SMYD2: variants seen among roughly 807,000 people sequenced by gnomAD.
SMYD2 encodes SET and MYND domain containing 2.
Under a neutral mutation model 59.1 loss-of-function variants are expected in SMYD2, and 53 were observed. The ratio of observed to expected loss-of-function variants is 0.90; its 90% CI spans 0.72 to 1.13. The LOEUF is 1.13. Ranked by LOEUF, SMYD2 falls within the 50% of genes most tolerant of loss-of-function variation. SMYD2 has a pLI of 0.00. For missense variants in SMYD2, 494 were observed against 544.7 expected (o/e 0.91, Z 0.93); for synonymous variants, 208 against 198.8 (o/e 1.05, Z -0.39).
At chr1:214,305,574 CTTTAAGTTTTTAACGTT>C (rs796286698) in intron 2 of SMYD2, among the ~76,000 whole-genome samples, 14 of 152,336 alleles carry the variant, frequency 9.2e-5, no homozygotes, top group African/African-American at 3.1e-4. Flanking sequence ...AAAATGCTAT[CTTTAAGTTTTTAACGTT>C]TTTATTGTTG....
At chr1:214,297,448 T>C (rs765041283) in intron 1 of SMYD2, among the ~76,000 whole-genome samples, 9 of 152,212 alleles carry the variant, frequency 5.9e-5, no homozygotes, top group Non-Finnish European at 1.2e-4. Context: ...CGGAGTTTGT[T>C]CCAAATGCTT....
At chr1:214,320,279 T>C (rs1558055528) in intron 5 of SMYD2, among the ~76,000 whole-genome samples, 1 of 152,164 alleles carries the variant, frequency 6.6e-6, no homozygotes, top group Non-Finnish European at 1.5e-5. Context: ...AAAAAGGGTA[T>C]AATACGAAAA....
At chr1:214,303,931 A>T (rs1425191678) in intron 1 of SMYD2, among the ~76,000 whole-genome samples, 3 of 152,264 alleles carry the variant, frequency 2.0e-5, no homozygotes, top group Non-Finnish European at 4.4e-5. Context: ...GGGGTGGGCA[A>T]GAGTTCGACA....
chr1:214,292,087 G>GGAGAGA (rs1553254067), intron 1 of SMYD2, among the ~76,000 whole-genome samples: 1 of 73,112 alleles, frequency 1.4e-5, no homozygotes, highest in African/African-American at 6.4e-5. Flanking sequence ...TATTTTCTAG[G>GGAGAGA]GTGAGAGAGA....
intron 1 of SMYD2, among the ~76,000 whole-genome samples, chr1:214,282,444 G>A (rs1166544643): frequency 6.6e-6 from 1 of 152,170 alleles, no homozygotes; most frequent in Non-Finnish European, 1.5e-5. Flanking sequence ...GTTTATATCA[G>A]GCCTTCCAGT....
intron 1 of SMYD2, among the ~76,000 whole-genome samples, chr1:214,284,254 GTTTT>G (rs34049644): frequency 1.1e-5 from 1 of 90,364 alleles, no homozygotes; most frequent in African/African-American, 4.4e-5. Flanking sequence ...TTTTGGTGTG[GTTTT>G]TTTTTTTTTT....
intron 10 of SMYD2, 156 bp downstream of exon 10, chr1:214,332,348 TC>T: frequency 1.2e-6 from 1 of 824,530 alleles, no homozygotes; most frequent in South Asian, 1.8e-5. Flanking sequence ...AGGGCACTGC[TC>T]CCGAGTCAGG....
At chr1:214,319,010 T>G (rs1657129614) in intron 5 of SMYD2, 27 bp downstream of exon 5, 10 of 1,611,920 alleles carry the variant, frequency 6.2e-6, no homozygotes, top group Non-Finnish European at 8.5e-6. Context: ...CAGGTAACAC[T>G]CAGTCTGGCC....
At chr1:214,316,249 T>C (rs1363659309) in intron 3 of SMYD2, among the ~76,000 whole-genome samples, 1 of 152,104 alleles carries the variant, frequency 6.6e-6, no homozygotes, top group Non-Finnish European at 1.5e-5. Context: ...GGCAGAAGGA[T>C]TGTTTGAATC....
In SMYD2 at chr1:214,330,116, G is replaced by A. The variant is rs960136435; in HGVS notation, c.706-52G>A. The A allele has an allele frequency of 3.5e-5, 44 of 1,270,170 alleles. 1 individual carries two copies. Among genetic ancestry groups the A allele is most frequent in the Non-Finnish European group, 4.8e-5 (43 of 894,936 alleles). 78.7% of individuals were successfully genotyped at this position (1,270,170 alleles called of 1,614,324 possible). On this transcript the variant is annotated intron_variant, in intron 7 of 11. Coordinates refer to ENST00000366957, the MANE Select transcript of SMYD2 (RefSeq NM_020197.3). ...GACTGCAAAGGCACGGGAATGACAAGGATTGAGTTTACCTGTAGCAGACTG... is the reference window on the plus strand; with the variant it reads ...GACTGCAAAGGCACGGGAATGACAAAGATTGAGTTTACCTGTAGCAGACTG...
At chr1:214,331,834 A>C in intron 9 of SMYD2, 184 bp from the exon 10 acceptor site, 1 of 601,796 alleles carries the variant, frequency 1.7e-6, no homozygotes, top group Non-Finnish European at 2.8e-6. Context: ...TCCGACCTTC[A>C]GGTTTTCTTC....
intron 1 of SMYD2, among the ~76,000 whole-genome samples, chr1:214,290,710 A>G (rs1028744254): frequency 6.6e-6 from 1 of 152,184 alleles, no homozygotes; most frequent in African/African-American, 2.4e-5. Flanking sequence ...ACGTGGTAAG[A>G]TAATCTGGCT....
chr1:214,313,310 T>A (rs1281693764), intron 2 of SMYD2, among the ~76,000 whole-genome samples: 1 of 151,834 alleles, frequency 6.6e-6, no homozygotes, highest in East Asian at 1.9e-4. Context: ...AGAGATGGGG[T>A]TTTATCACGT....
At chr1:214,313,178 G>A (rs932105113) in intron 2 of SMYD2, among the ~76,000 whole-genome samples, 6 of 152,164 alleles carry the variant, frequency 3.9e-5, no homozygotes, top group African/African-American at 7.2e-5. Flanking sequence ...GTGTAGCGGT[G>A]CACTCTCGGC....
chr1:214,330,544 A>G (rs1657336030), intron 8 of SMYD2, among the ~76,000 whole-genome samples: 1 of 152,196 alleles, frequency 6.6e-6, no homozygotes, highest in South Asian at 2.1e-4. Flanking sequence ...CAACTGCTCA[A>G]AGGAGGAGGG....
chr1:214,311,910 T>G (rs370147178), intron 2 of SMYD2, among the ~76,000 whole-genome samples: 1 of 152,256 alleles, frequency 6.6e-6, no homozygotes, highest in East Asian at 1.9e-4. Context: ...TAGTTGTTAA[T>G]GATCCATCTG....
intron 1 of SMYD2, among the ~76,000 whole-genome samples, chr1:214,292,946 T>G (rs556898275): frequency 9.2e-5 from 14 of 152,116 alleles, no homozygotes; most frequent in Non-Finnish European, 4.4e-5. Context: ...AGCCTTCAGT[T>G]TGTTTATACT....
At chr1:214,285,910 A>G (rs1021180650) in intron 1 of SMYD2, among the ~76,000 whole-genome samples, 1 of 152,260 alleles carries the variant, frequency 6.6e-6, no homozygotes, top group African/African-American at 2.4e-5. Context: ...CAGTTGTAAC[A>G]CAATGGTAAG....
At chr1:214,306,526 CTG>C (rs1558052191) in intron 2 of SMYD2, among the ~76,000 whole-genome samples, 3 of 152,324 alleles carry the variant, frequency 2.0e-5, no homozygotes, top group Non-Finnish European at 4.4e-5. Flanking sequence ...GGCTGTCAGC[CTG>C]TGTGGCAGTG....
Sources: allele counts gnomAD v4.1 joint callset (sites outside exome capture counted in the v4.1 genomes callset), GRCh38; gene constraint gnomAD v4.1.1; transcripts MANE v1.5; gene names NCBI Gene and HGNC (gene_info 2026-07-23, HGNC 2026-07-21).